The following DMGDH variants were observed in gnomAD, a reference collection of about 807,000 sequenced individuals.
DMGDH encodes the protein dimethylglycine dehydrogenase, also known as dimethylglycine dehydrogenase, mitochondrial.
Under a neutral mutation model 95.2 loss-of-function variants are expected in DMGDH, and 76 were observed. The observed-to-expected ratio is 0.80, with a 90% CI of 0.66 to 0.97. DMGDH has a LOEUF of 0.97. Ranked by LOEUF, DMGDH falls within the 50% of genes least tolerant of loss-of-function variation. The pLI is 0.00. For missense variants in DMGDH, 987 were observed against 1,055.0 expected, an observed-to-expected ratio of 0.94 and a Z score of 0.89; for synonymous variants, 345 against 377.6, an observed-to-expected ratio of 0.91 and a Z score of 1.00.
At chr5:79,006,058 T>TA (rs978392904) in intron 14 of DMGDH, among the ~76,000 whole-genome samples, 1 of 151,682 alleles carries the variant, frequency 6.6e-6, no homozygotes, top group Non-Finnish European at 1.5e-5. Flanking sequence ...CAACCTTTTT[T>TA]TTTTTTTTAC....
chr5:78,998,427 G>A, intron 15 of DMGDH, 130 bp from the exon 16 acceptor site: 1 of 800,820 alleles, frequency 1.2e-6, no homozygotes, highest in Non-Finnish European at 2.1e-6. Context: ...TGTCTGGGGG[G>A]ACAACGCCAG....
At position 79,063,658 on chromosome 5, in the gene DMGDH, G is replaced by C. The variant is rs921136174; in HGVS notation, c.231C>G (p.Val77=). The change falls in exon 2 of 16, where the codon GTC becomes GTG. Residue 77 remains valine (V), a synonymous_variant. Coordinates refer to ENST00000255189, the MANE Select transcript of DMGDH (RefSeq NM_013391.3). ...HLAKAGMKDV[V]LLEKSELTAG... is the part of the protein sequence containing the mutation. ...CCGTGAGCTCTGATTTCTCCAGCAG[G>C]ACCACATCTTTCATCCCTGCTTTGG... The C allele has an allele frequency of 2.5e-6, 4 of 1,614,168 alleles. No individual in the cohort carries two copies. The highest frequency in any genetic ancestry group is 3.4e-6 in the Non-Finnish European group (4 of 1,180,036).
intron 9 of DMGDH, 150 bp downstream of exon 9, chr5:79,032,537 C>A: frequency 9.0e-7 from 1 of 1,112,086 alleles, no homozygotes. Context: ...CTAATGCCAC[C>A]ACTGCCAGAG....
intron 12 of DMGDH, among the ~76,000 whole-genome samples, chr5:79,026,826 C>T (rs1272948695): frequency 1.3e-5 from 2 of 152,186 alleles, no homozygotes; most frequent in African/African-American, 4.8e-5. Context: ...CACCTCTTGT[C>T]ATGACACAGA....
At chr5:79,021,296 ATAT>A in intron 14 of DMGDH, 2 of 1,081,816 alleles carry the variant, frequency 1.8e-6, no homozygotes, top group Non-Finnish European at 2.3e-6. Flanking sequence ...AGTTCCTGAA[ATAT>A]TATTTGTTTC....
intron 5 of DMGDH, among the ~76,000 whole-genome samples, chr5:79,047,080 T>C (rs1434761464): frequency 6.6e-6 from 1 of 152,134 alleles, no homozygotes; most frequent in Non-Finnish European, 1.5e-5. Flanking sequence ...TCTTCTTCCA[T>C]ATGTCAATCA....
intron 14 of DMGDH, chr5:79,021,464 C>A: frequency 8.2e-7 from 1 of 1,225,108 alleles, no homozygotes; most frequent in Non-Finnish European, 1.0e-6. Flanking sequence ...AAGCCAACAG[C>A]AGGGGAAGGA....
chr5:79,032,516 C>T (rs188565855), intron 9 of DMGDH, among the ~76,000 whole-genome samples, 171 bp downstream of exon 9: 7 of 152,290 alleles, frequency 4.6e-5, no homozygotes, highest in Admixed American at 3.9e-4. Context: ...GCCAGTGTCT[C>T]GTGGGCTAGA....
chr5:79,063,350 T>C (rs1047009585), intron 2 of DMGDH, among the ~76,000 whole-genome samples: 1 of 152,156 alleles, frequency 6.6e-6, no homozygotes, highest in Admixed American at 6.5e-5. Context: ...AAATGGAAAC[T>C]TATGTAACTT....
At position 79,030,885 on chromosome 5, in the gene DMGDH, C is replaced by T; in HGVS notation, c.1631G>A (p.Gly544Asp). The change falls in exon 10 of 16, where the codon GGC becomes GAC. Residue 544 changes from glycine to aspartate, a missense_variant. By Grantham distance (94) the Gly-to-Asp change is moderately conservative. Coordinates refer to ENST00000255189, the MANE Select transcript of DMGDH (RefSeq NM_013391.3). ...LSPFGKFNIK[G>D]QDSIRLLDHL... ...GTCCAGTAGTCTAATGGAATCTTGG[C>T]CTTTGATGTTAAACTTGCCAAATGG... The T allele has an allele frequency of 6.2e-7, 1 of 1,613,998 alleles. No individual in the cohort carries two copies. Among genetic ancestry groups the T allele is most frequent in the African/African-American group, 1.3e-5 (1 of 74,994 alleles).
At chr5:79,003,967 T>TAAATAAATAAATAAATAAATAAATAAAA (rs559754271) in intron 15 of DMGDH, among the ~76,000 whole-genome samples, 15 of 151,390 alleles carry the variant, frequency 9.9e-5, no homozygotes, top group African/African-American at 3.6e-4. Flanking sequence ...AATAAATAAA[T>TAAATAAATAAATAAATAAATAAATAAAA]AAAAATAAAA....
intron 13 of DMGDH, among the ~76,000 whole-genome samples, chr5:79,025,436 T>G (rs1344647217): frequency 6.6e-6 from 1 of 152,178 alleles, no homozygotes; most frequent in Non-Finnish European, 1.5e-5. Flanking sequence ...GCCCACTTGC[T>G]TCTGCGCACT....
At chr5:79,018,437 T>A (rs545668203) in intron 14 of DMGDH, among the ~76,000 whole-genome samples, 56 of 152,094 alleles carry the variant, frequency 3.7e-4, no homozygotes, top group Non-Finnish European at 7.4e-4. Context: ...TCCATTTTTA[T>A]AGATTTTGCA....
chr5:79,042,924 AAG>A (rs1754556948), intron 6 of DMGDH, among the ~76,000 whole-genome samples: 3 of 152,188 alleles, frequency 2.0e-5, no homozygotes, highest in Non-Finnish European at 4.4e-5. Context: ...TCCAAGATCT[AAG>A]ATGATGGATT....
At chr5:79,035,223 A>T (rs866800904) in intron 7 of DMGDH, among the ~76,000 whole-genome samples, 3 of 152,212 alleles carry the variant, frequency 2.0e-5, no homozygotes, top group African/African-American at 4.8e-5. Context: ...TAAAATGTTT[A>T]TTAAACTTAG....
chr5:79,060,836 T>C (rs1474650005), intron 2 of DMGDH, among the ~76,000 whole-genome samples: 7 of 151,354 alleles, frequency 4.6e-5, no homozygotes, highest in Admixed American at 1.3e-4. Flanking sequence ...GAGAATCACT[T>C]GAACCCAGGA....
chr5:79,058,725 T>C (rs1755105254), intron 2 of DMGDH, among the ~76,000 whole-genome samples: 1 of 152,194 alleles, frequency 6.6e-6, no homozygotes, highest in Admixed American at 6.5e-5. Context: ...ATTAAGAATT[T>C]GTAAATCTTT....
rs1489750805 is a variant in DMGDH, at chr5:79,061,260, CACACACA to C, written c.276+2346_276+2352del. 5.6e-3 allele frequency among the ~76,000 whole-genome samples: 732 copies of C among 130,608 alleles called. 6 individuals are homozygous for C. The highest frequency in any genetic ancestry group is 0.017 in the African/African-American group (445 of 26,352). The allele number at this position is 130,608 out of a possible 152,430, so 85.7% of individuals were successfully genotyped here. A position where few individuals can be genotyped will look rare whatever the true frequency, so the allele number is the denominator to read the frequency against. ...ACACACACACACACACACACACACA[CACACACA>C]AACACCTAATATGTTGGATTTCTTC... On this transcript the variant is annotated intron_variant, in intron 2 of 15. Transcript: ENST00000255189.
At chr5:79,067,234 G>A (rs766578427) in intron 1 of DMGDH, among the ~76,000 whole-genome samples, 3 of 152,074 alleles carry the variant, frequency 2.0e-5, no homozygotes, top group Admixed American at 6.6e-5. Flanking sequence ...TTGTTTCACC[G>A]GTTTTTAGAT....
Sources: gnomAD v4.1 joint callset for allele counts (sites outside exome capture counted in the v4.1 genomes callset) on GRCh38, gnomAD v4.1.1 for gene constraint, MANE v1.5 for transcripts, NCBI Gene and HGNC (gene_info 2026-07-23, HGNC 2026-07-21) for gene names.